The following HHLA1 variants were observed in gnomAD, a reference collection of about 807,000 sequenced individuals.
HHLA1 encodes the protein HHLA1 neighbor of OC90, also known as HERV-H LTR-associating protein 1.
In HHLA1, 72 loss-of-function variants were observed where a neutral mutation model predicts 69.9. The ratio of observed to expected loss-of-function variants is 1.03; its 90% CI spans 0.85 to 1.25. The LOEUF (loss-of-function observed/expected upper bound fraction) is 1.25. HHLA1 is among the 50% of genes most tolerant of loss of function. The probability of loss-of-function intolerance (pLI) is 0.00; values close to 1 mark genes in which losing one functional copy is unlikely to be tolerated. For synonymous variants in HHLA1, 252 were observed against 233.2 expected (o/e 1.08, Z -0.73); for missense variants, 685 against 642.2 (o/e 1.07, Z -0.72).
At chr8:132,077,160 G>A (rs1168656331) in intron 12 of HHLA1, among the ~76,000 whole-genome samples, 2 of 152,186 alleles carry the variant, frequency 1.3e-5, no homozygotes, top group Non-Finnish European at 2.9e-5. Flanking sequence ...AAGGAAAGAG[G>A]TGAGGCTGAG....
In HHLA1 at chr8:132,074,561, T is replaced by G. The variant is rs57166440; in HGVS notation, c.1315+1494A>C. ...CAGTAGGAGCCCAATAAATATTTAT[T>G]AAATGGATGAATGAGTGGATGCCAA... On this transcript the variant is annotated intron_variant, in intron 14 of 16. Transcript: ENST00000414222. Among the ~76,000 whole-genome samples the G allele has an allele frequency of 4.9e-3, 746 of 152,266 alleles. 6 individuals are homozygous for G. The highest frequency in any genetic ancestry group is 0.017 in the African/African-American group (717 of 41,558).
intron 7 of HHLA1, among the ~76,000 whole-genome samples, chr8:132,090,862 C>T (rs1398432054): frequency 1.3e-5 from 2 of 151,294 alleles, no homozygotes; most frequent in Non-Finnish European, 2.9e-5. Context: ...AGGTTCACGC[C>T]ATTCTCCTAC....
At chr8:132,080,114 AC>A in intron 10 of HHLA1, 148 bp from the exon 11 acceptor site, 1 of 1,077,144 alleles carries the variant, frequency 9.3e-7, no homozygotes, top group Non-Finnish European at 1.4e-6. Context: ...TGTTTCCTGA[AC>A]AGATTCTGAC....
At chr8:132,105,378 ATCTG>A in intron 1 of HHLA1, 92 bp from the exon 2 acceptor site, 11 of 840,538 alleles carry the variant, frequency 1.3e-5, no homozygotes, top group Admixed American at 4.1e-5. Flanking sequence ...TAAAATCACA[ATCTG>A]AAAAAGGCTT....
chr8:132,083,087 G>C (rs368480877), intron 10 of HHLA1, among the ~76,000 whole-genome samples: 20 of 150,842 alleles, frequency 1.3e-4, no homozygotes, highest in South Asian at 1.3e-3. Flanking sequence ...GGGTTAAGGT[G>C]GGGGGGATAC....
At chr8:132,094,375 C>G (rs1362627203) in intron 7 of HHLA1, among the ~76,000 whole-genome samples, 1 of 152,124 alleles carries the variant, frequency 6.6e-6, no homozygotes, top group Non-Finnish European at 1.5e-5. Context: ...AATTAGAATC[C>G]TCGCAGCAGA....
Position 132,079,737 on chromosome 8 carries a change from G to A in HHLA1, c.906C>T (p.Ser302=), listed in dbSNP as rs1297420586. Residue 302 remains serine, a synonymous_variant, in exon 11 of 17, where the codon TCC becomes TCT. Transcript: ENST00000414222. ...TCTTACCCAAGGCTGGGAGAGTGTGGGAGGCACTGAACCATGTGGCTGTGG... is the reference window on the plus strand; with the variant it reads ...TCTTACCCAAGGCTGGGAGAGTGTGAGAGGCACTGAACCATGTGGCTGTGG... ...ARATATWFSA[S]HTLPALATRR... is the part of the protein sequence containing the mutation. The A allele has an allele frequency of 6.4e-7, 1 of 1,550,562 alleles. No homozygotes were observed. Among genetic ancestry groups the A allele is most frequent in the Admixed American group, 2.0e-5 (1 of 50,862 alleles).
At chr8:132,101,174 G>C in intron 3 of HHLA1, 1 of 1,539,014 alleles carries the variant, frequency 6.5e-7, no homozygotes, top group Non-Finnish European at 8.8e-7. Context: ...ACAAGCCACA[G>C]AGTCTGAAAA....
chr8:132,073,022 G>A (rs529204731), intron 14 of HHLA1, among the ~76,000 whole-genome samples: 1 of 152,048 alleles, frequency 6.6e-6, no homozygotes, highest in South Asian at 2.1e-4. Context: ...ACATCTTTCT[G>A]GTTTCCTCAT....
chr8:132,075,815 T>TA (rs970777044), intron 14 of HHLA1, among the ~76,000 whole-genome samples: 6 of 152,276 alleles, frequency 3.9e-5, no homozygotes, highest in South Asian at 2.1e-4. Flanking sequence ...GTGGGAAAGA[T>TA]AAAAAAACAG....
At chr8:132,099,475 A>G (rs1162245633) in intron 4 of HHLA1, among the ~76,000 whole-genome samples, 1 of 147,058 alleles carries the variant, frequency 6.8e-6, no homozygotes, top group Non-Finnish European at 1.5e-5. Context: ...CCCAGAATGG[A>G]GGGAGAAATC....
intron 2 of HHLA1, among the ~76,000 whole-genome samples, chr8:132,104,601 A>G (rs1002113082): frequency 2.6e-5 from 4 of 152,190 alleles, no homozygotes; most frequent in Admixed American, 2.6e-4. Flanking sequence ...TATACAGAAC[A>G]GCACAAGCCC....
intron 15 of HHLA1, among the ~76,000 whole-genome samples, chr8:132,068,123 G>A (rs781095090): frequency 8.5e-5 from 13 of 152,222 alleles, no homozygotes; most frequent in Non-Finnish European, 1.6e-4. Flanking sequence ...TGCTTTAGAA[G>A]TTCATATTGC....
chr8:132,068,862 T>C (rs1465788798), intron 15 of HHLA1, among the ~76,000 whole-genome samples: 2 of 152,136 alleles, frequency 1.3e-5, no homozygotes, highest in African/African-American at 4.8e-5. Context: ...ATAAGAAAGA[T>C]TTCAAGAGAT....
At chr8:132,097,736 C>T (rs558318310) in intron 5 of HHLA1, among the ~76,000 whole-genome samples, 1 of 152,302 alleles carries the variant, frequency 6.6e-6, no homozygotes, top group East Asian at 1.9e-4. Flanking sequence ...GCAGCCCTAT[C>T]CTCGGCAACT....
At chr8:132,104,854 G>A (rs899051728) in intron 2 of HHLA1, among the ~76,000 whole-genome samples, 1 of 152,160 alleles carries the variant, frequency 6.6e-6, no homozygotes, top group East Asian at 1.9e-4. Context: ...CAAGATTTAT[G>A]AAAAGATCAC....
chr8:132,068,215 G>A (rs1823472172), intron 15 of HHLA1, among the ~76,000 whole-genome samples: 1 of 152,202 alleles, frequency 6.6e-6, no homozygotes, highest in Non-Finnish European at 1.5e-5. Context: ...AGCAACCACA[G>A]AAACATGACC....
intron 14 of HHLA1, among the ~76,000 whole-genome samples, chr8:132,072,271 G>A (rs1399075728): frequency 1.3e-5 from 2 of 152,158 alleles, no homozygotes; most frequent in Admixed American, 6.5e-5. Context: ...GACTCAGAAA[G>A]CTTCCTATGG....
At chr8:132,092,220 A>C (rs1051384544) in intron 7 of HHLA1, among the ~76,000 whole-genome samples, 1 of 152,228 alleles carries the variant, frequency 6.6e-6, no homozygotes, top group African/African-American at 2.4e-5. Context: ...GACAGTATCA[A>C]ATTTTAATTG....
Sources: allele counts gnomAD v4.1 joint callset (sites outside exome capture counted in the v4.1 genomes callset), GRCh38; gene constraint gnomAD v4.1.1; transcripts MANE v1.5; gene names NCBI Gene and HGNC (gene_info 2026-07-23, HGNC 2026-07-21).